Variants in GTF2F2 observed in about 807,000 individuals in gnomAD.
GTF2F2 encodes the protein ATP-dependent helicase GTF2F2.
GTF2F2 carries 23 observed loss-of-function variants against 42.2 expected under a neutral mutation model. The observed-to-expected ratio is 0.55, with a 90% confidence interval of 0.39 to 0.77. The LOEUF (loss-of-function observed/expected upper bound fraction) is 0.77. GTF2F2 is among the 30% of genes least tolerant of loss of function. The pLI is 0.00. For missense variants in GTF2F2, 261 were observed against 287.2 expected (o/e 0.91, Z 0.66); for synonymous variants, 105 against 100.8 (o/e 1.04, Z -0.25).
intron 5 of GTF2F2, among the ~76,000 whole-genome samples, chr13:45,212,845 G>A (rs1211573909): frequency 6.6e-6 from 1 of 151,098 alleles, no homozygotes; most frequent in Admixed American, 6.6e-5. Context: ...ACCTCCAAGC[G>A]ATTCTCCCAC....
intron 4 of GTF2F2, among the ~76,000 whole-genome samples, chr13:45,160,532 C>T (rs1051264806): frequency 2.6e-5 from 4 of 152,194 alleles, no homozygotes; most frequent in Non-Finnish European, 4.4e-5. Flanking sequence ...TAGCATCATA[C>T]ATCCATCATC....
At chr13:45,177,939 C>T (rs1016440370) in intron 4 of GTF2F2, among the ~76,000 whole-genome samples, 3 of 151,966 alleles carry the variant, frequency 2.0e-5, no homozygotes, top group Non-Finnish European at 4.4e-5. Flanking sequence ...AGGGTAATGT[C>T]TTTTTATTTC....
At chr13:45,233,634 C>G (rs545173175) in intron 5 of GTF2F2, among the ~76,000 whole-genome samples, 1 of 152,324 alleles carries the variant, frequency 6.6e-6, no homozygotes, top group South Asian at 2.1e-4. Context: ...CAATTGCTAG[C>G]TGGATATGGT....
At chr13:45,229,379 C>A (rs1874553443) in intron 5 of GTF2F2, among the ~76,000 whole-genome samples, 1 of 152,064 alleles carries the variant, frequency 6.6e-6, no homozygotes, top group Non-Finnish European at 1.5e-5. Context: ...CCTCCCTATC[C>A]TCCTCCAGGC....
chr13:45,181,200 A>AAAAAAAAAAAAAAAAAC (rs766375703), intron 4 of GTF2F2, among the ~76,000 whole-genome samples: 1 of 132,894 alleles, frequency 7.5e-6, no homozygotes, highest in Non-Finnish European at 1.6e-5. Context: ...AAAAAAAAAA[A>AAAAAAAAAAAAAAAAAC]AAACCAGAAA....
intron 1 of GTF2F2, among the ~76,000 whole-genome samples, chr13:45,129,873 G>T (rs1462908290): frequency 6.6e-6 from 1 of 152,218 alleles, no homozygotes; most frequent in Non-Finnish European, 1.5e-5. Flanking sequence ...TTTAAATAGG[G>T]CAGGAAGGGA....
intron 7 of GTF2F2, among the ~76,000 whole-genome samples, chr13:45,283,082 A>G (rs1420182381): frequency 2.6e-5 from 4 of 152,114 alleles, no homozygotes; most frequent in Non-Finnish European, 5.9e-5. Flanking sequence ...AGGCCACTGA[A>G]CTCAAGGGCA....
At chr13:45,188,301 C>G (rs1311346792) in intron 4 of GTF2F2, among the ~76,000 whole-genome samples, 14 of 152,118 alleles carry the variant, frequency 9.2e-5, no homozygotes, top group Admixed American at 9.2e-4. Context: ...CCCAAGAAAC[C>G]TATTATATCT....
At chr13:45,124,128 C>T (rs1051743739) in intron 1 of GTF2F2, 2 of 691,970 alleles carry the variant, frequency 2.9e-6, no homozygotes, top group South Asian at 1.4e-5. Context: ...ATGCCAGCCC[C>T]AGCATCTAAG....
intron 1 of GTF2F2, among the ~76,000 whole-genome samples, chr13:45,125,606 G>A (rs1868951591): frequency 6.6e-6 from 1 of 152,198 alleles, no homozygotes; most frequent in African/African-American, 2.4e-5. Flanking sequence ...ACCGGTGTGA[G>A]CCACTGTGCC....
intron 4 of GTF2F2, chr13:45,194,061 C>G (rs1377422497): frequency 1.5e-5 from 24 of 1,614,118 alleles, no homozygotes; most frequent in Non-Finnish European, 2.0e-5. Context: ...CAATGCGAGA[C>G]TTTATTTTTG....
chr13:45,278,826 T>TC (rs1877140350), intron 7 of GTF2F2, among the ~76,000 whole-genome samples: 2 of 135,702 alleles, frequency 1.5e-5, no homozygotes, highest in African/African-American at 5.7e-5. Flanking sequence ...CTTTTTTTTT[T>TC]TTTTTTTTTT....
intron 4 of GTF2F2, among the ~76,000 whole-genome samples, chr13:45,173,679 A>G (rs1871716971): frequency 1.5e-5 from 2 of 136,612 alleles, no homozygotes; most frequent in Admixed American, 8.4e-5. Flanking sequence ...ATGCAGTGGC[A>G]TGATCTTGGC....
chr13:45,252,154 A>G (rs2138247042), intron 5 of GTF2F2, among the ~76,000 whole-genome samples: 1 of 152,168 alleles, frequency 6.6e-6, no homozygotes, highest in South Asian at 2.1e-4. Context: ...GTTATATTTT[A>G]TTTTCTGAGA....
intron 4 of GTF2F2, among the ~76,000 whole-genome samples, chr13:45,178,266 T>C (rs1871979875): frequency 6.6e-6 from 1 of 151,950 alleles, no homozygotes; most frequent in Admixed American, 6.6e-5. Context: ...ATTTTTCCTA[T>C]ATACCAACTC....
intron 4 of GTF2F2, chr13:45,207,005 A>ACACACACACACACAC (rs1873440744): frequency 7.2e-6 from 1 of 139,196 alleles, no homozygotes; most frequent in African/African-American, 2.6e-5. Flanking sequence ...CACATACACA[A>ACACACACACACACAC]ACACACACAC....
At chr13:45,128,096 G>T (rs71432998) in intron 1 of GTF2F2, among the ~76,000 whole-genome samples, 1 of 148,786 alleles carries the variant, frequency 6.7e-6, no homozygotes, top group Non-Finnish European at 1.5e-5. Flanking sequence ...GAGTAGCTGA[G>T]ACTACAGGTG....
chr13:45,268,299 A>T (rs577522280), intron 7 of GTF2F2, among the ~76,000 whole-genome samples: 9 of 152,294 alleles, frequency 5.9e-5, no homozygotes, highest in Admixed American at 2.0e-4. Context: ...AACCAATTTT[A>T]AAAAACATCT....
chr13:45,130,304 A>G (rs1030844320), intron 1 of GTF2F2, among the ~76,000 whole-genome samples: 9 of 152,248 alleles, frequency 5.9e-5, no homozygotes, highest in African/African-American at 9.6e-5. Flanking sequence ...AAATAGAATG[A>G]TGATAGGGCT....
Sources: allele counts gnomAD v4.1 joint callset (sites outside exome capture counted in the v4.1 genomes callset), GRCh38; gene constraint gnomAD v4.1.1; transcripts MANE v1.5; gene names NCBI Gene and HGNC (gene_info 2026-07-23, HGNC 2026-07-21).